SUPT20H: variants seen among roughly 807,000 people sequenced by gnomAD.
SUPT20H encodes transcription factor SPT20 homolog.
SUPT20H carries 82 observed loss-of-function variants against 122.8 expected under a neutral mutation model. The observed-to-expected ratio is 0.67, with a 90% CI of 0.56 to 0.80. The LOEUF is 0.80. Ranked by LOEUF, SUPT20H falls within the 30% of genes least tolerant of loss-of-function variation. The probability of loss-of-function intolerance (pLI) is 0.00; values close to 1 mark genes in which losing one functional copy is unlikely to be tolerated. For missense variants in SUPT20H, 831 were observed against 921.6 expected (o/e 0.90, Z 1.27); for synonymous variants, 291 against 313.0 (o/e 0.93, Z 0.74).
At chr13:37,024,669 A>G (rs929378689) in intron 17 of SUPT20H, 14 of 290,886 alleles carry the variant, frequency 4.8e-5, no homozygotes, top group Non-Finnish European at 8.1e-5. Context: ...CACATAAAGA[A>G]TGAGGAAAAG....
rs773666445 is a variant in SUPT20H at position 37,025,422 on chromosome 13, G to A, written c.1227C>T (p.Tyr409=). 61 of 1,612,974 alleles carry A rather than the reference G, an allele frequency of 3.8e-5. No homozygotes were observed. The highest frequency in any genetic ancestry group is 1.3e-4 in the Admixed American group (8 of 59,958). Residue 409 remains tyrosine, a synonymous_variant, in exon 17 of 26, where the codon TAC becomes TAT. Coordinates refer to ENST00000350612, the MANE Select transcript of SUPT20H (RefSeq NM_001014286.3). The stretch of plus-strand genomic sequence containing the variant: ...TGGCTTCATTCTGGACTAATTCTTG[G>A]TACTGATTGACTACCCTAAAATATC... ...KTDAERVVNQ[Y]QELVQNEAKC... is the part of the protein sequence containing the mutation.
Position 37,012,258 on chromosome 13 carries a change from A to G in SUPT20H, c.2032T>C (p.Ser678Pro), listed in dbSNP as rs1329161614. 2.5e-6 allele frequency: 4 copies of G among 1,613,460 alleles called. No homozygotes were observed. Among genetic ancestry groups the G allele is most frequent in the African/African-American group, 1.3e-5 (1 of 74,918 alleles). ...QGSTSQEQAL[S>P]AQQAAVINLT... The stretch of plus-strand genomic sequence containing the variant: ...TTAATAACAGCAGCTTGCTGAGCAG[A>G]TAAGGCCTGTTCTTGACTGGTTGAA... The change falls in exon 24 of 26, where the codon TCT becomes CCT. Residue 678 changes from serine (S) to proline (P), a missense_variant. Ser to Pro is a moderately conservative substitution (Grantham distance 74). Transcript: ENST00000350612.
chr13:37,039,932 T>C (rs944423606), intron 9 of SUPT20H: 5 of 152,392 alleles, frequency 3.3e-5, no homozygotes, highest in African/African-American at 1.2e-4. Flanking sequence ...CCACAAACTT[T>C]CTGAAGTCCC....
intron 3 of SUPT20H, 22 bp downstream of exon 3, chr13:37,048,542 A>G: frequency 6.4e-7 from 1 of 1,568,266 alleles, no homozygotes; most frequent in Non-Finnish European, 8.6e-7. Flanking sequence ...CTATTTCAAT[A>G]TGTAACTTAG....
rs2062240443 is a variant in SUPT20H at position 37,026,233 on chromosome 13, G to A, written c.1182C>T (p.Phe394=). Residue 394 remains phenylalanine (F), a synonymous_variant, in exon 16 of 26, where the codon TTC becomes TTT. Coordinates refer to ENST00000350612, the MANE Select transcript of SUPT20H (RefSeq NM_001014286.3). The stretch of plus-strand genomic sequence containing the variant: ...CAGCATCGGTCTTTGATCCAATAAT[G>A]AACCTAAAATGTTTAAGGAAAAAAA... ...HSSTDDHSNW[F]IIGSKTDAER... is the part of the protein sequence containing the mutation. 6.6e-7 allele frequency: 1 copy of A among 1,508,356 alleles called. No individual in the cohort carries two copies. 93.4% of individuals were successfully genotyped at this position (1,508,356 alleles called of 1,614,324 possible). A position where few individuals can be genotyped will look rare whatever the true frequency, so the allele number is the denominator to read the frequency against.
In SUPT20H at chr13:37,028,420, A is replaced by ACAG. The variant is rs1250241325; in HGVS notation, c.994-118_994-116dup. 239 of 945,910 alleles carry ACAG rather than the reference A, an allele frequency of 2.5e-4. 1 individual carries two copies. In the East Asian group the frequency reaches 6.3e-3, roughly 25 times the overall value. 58.6% of individuals were successfully genotyped at this position (945,910 alleles called of 1,614,324 possible). On this transcript the variant is annotated intron_variant, in intron 13 of 25. Transcript: ENST00000350612. ...CATGTATCTGACGATAGGAAGACAC[A>ACAG]CAGCACTTAGGCTACAAAGATATTT...
rs970475975 is a variant in SUPT20H at position 37,009,485 on chromosome 13, C to A, written c.*187G>T. 9 of 841,050 alleles carry A rather than the reference C, an allele frequency of 1.1e-5. No homozygotes were observed. The highest frequency in any genetic ancestry group is 1.7e-5 in the African/African-American group (1 of 58,000). 52.1% of individuals were successfully genotyped at this position (841,050 alleles called of 1,614,324 possible). On this transcript the variant is annotated 3_prime_UTR_variant, in exon 26 of 26. Transcript: ENST00000350612. ...TTAAAAAGCAATGACTTAGGCAAAC[C>A]AACCCTAGTTTGTTAAACCATTTCC...
Position 37,033,448 on chromosome 13 carries a change from C to A in SUPT20H, c.707+1G>T, listed in dbSNP as rs146443873. 1.9e-6 allele frequency: 3 copies of A among 1,608,502 alleles called. No individual in the cohort carries two copies. Among genetic ancestry groups the A allele is most frequent in the Non-Finnish European group, 2.5e-6 (3 of 1,177,536 alleles). On this transcript the variant is annotated splice_donor_variant, in intron 10 of 25. Coordinates refer to ENST00000350612, the MANE Select transcript of SUPT20H (RefSeq NM_001014286.3). LOFTEE classifies it high-confidence loss of function. ...GTTCACCCTTCCACAAAGGCAATTA[C>A]CGTTTCATTGGGCGAGTGTTCATCT... is the stretch of plus-strand genomic sequence containing the variant.
At chr13:37,031,120 T>C (rs1394681199) in intron 12 of SUPT20H, among the ~76,000 whole-genome samples, 3 of 152,170 alleles carry the variant, frequency 2.0e-5, no homozygotes, top group African/African-American at 4.8e-5. Flanking sequence ...CTAATCTTGG[T>C]TACTTCTCTA....
chr13:37,036,833 A>T (rs1159691759), intron 9 of SUPT20H, among the ~76,000 whole-genome samples: 1 of 152,152 alleles, frequency 6.6e-6, no homozygotes, highest in South Asian at 2.1e-4. Flanking sequence ...GATTTTCTTA[A>T]TAATGTTTTC....
At chr13:37,017,400 C>A (rs748655507) in intron 22 of SUPT20H, 36 bp from the exon 23 acceptor site, 1 of 1,572,510 alleles carries the variant, frequency 6.4e-7, no homozygotes, top group Admixed American at 1.8e-5. Flanking sequence ...ACCAATTTCA[C>A]ATGATTTTAT....
At chr13:37,056,127 G>C (rs1446121105) in intron 1 of SUPT20H, among the ~76,000 whole-genome samples, 1 of 152,204 alleles carries the variant, frequency 6.6e-6, no homozygotes, top group African/African-American at 2.4e-5. Flanking sequence ...AGGTGCTGGA[G>C]AGGATGTGGA....
chr13:37,055,596 G>C (rs2068768584), intron 1 of SUPT20H, among the ~76,000 whole-genome samples: 3 of 152,084 alleles, frequency 2.0e-5, no homozygotes, highest in Admixed American at 6.6e-5. Context: ...CCCTTCCTTA[G>C]CCCTTACACA....
intron 22 of SUPT20H, among the ~76,000 whole-genome samples, chr13:37,018,343 A>G (rs1271977466): frequency 4.6e-5 from 7 of 152,216 alleles, no homozygotes; most frequent in African/African-American, 1.7e-4. Context: ...AGGTAGGCTA[A>G]ATAAACAAAT....
chr13:37,015,224 C>G (rs1218234735), intron 23 of SUPT20H, among the ~76,000 whole-genome samples: 2 of 145,002 alleles, frequency 1.4e-5, no homozygotes, highest in Non-Finnish European at 3.0e-5. Flanking sequence ...GAAAAGACAA[C>G]AAATGGGAGA....
chr13:37,017,419 T>C, intron 22 of SUPT20H, 55 bp from the exon 23 acceptor site: 3 of 1,489,140 alleles, frequency 2.0e-6, no homozygotes, highest in Non-Finnish European at 2.7e-6. Context: ...ATATCAAATA[T>C]TTAAATTTAT....
At chr13:37,031,973 G>A in intron 10 of SUPT20H, 78 bp from the exon 11 acceptor site, 1 of 1,297,620 alleles carries the variant, frequency 7.7e-7, no homozygotes, top group East Asian at 2.5e-5. Context: ...ACTAGTCAGT[G>A]CTGAATATGT....
intron 10 of SUPT20H, 79 bp downstream of exon 10, chr13:37,033,370 T>C (rs982432744): frequency 6.5e-7 from 1 of 1,535,154 alleles, no homozygotes; most frequent in Non-Finnish European, 8.8e-7. Flanking sequence ...AACCATACCC[T>C]GGAGGGAAAA....
chr13:37,048,547 A>T lies in SUPT20H; in HGVS notation c.39+17T>A. The stretch of plus-strand genomic sequence containing the variant: ...AAAGACAACACTATTTCAATATGTA[A>T]CTTAGTCACACCTCACCTCTGCACG... On this transcript the variant is annotated intron_variant, in intron 3 of 25. Transcript: ENST00000350612. 1 of 1,573,826 alleles carries T rather than the reference A, an allele frequency of 6.4e-7. No individual in the cohort carries two copies. Among genetic ancestry groups the T allele is most frequent in the Non-Finnish European group, 8.6e-7 (1 of 1,163,718 alleles).
Sources: gnomAD v4.1 joint callset for allele counts (sites outside exome capture counted in the v4.1 genomes callset) on GRCh38, gnomAD v4.1.1 for gene constraint, MANE v1.5 for transcripts, NCBI Gene and HGNC (gene_info 2026-07-23, HGNC 2026-07-21) for gene names.